The following RRAGB variants were observed in gnomAD, a reference collection of about 807,000 sequenced individuals.
The protein encoded by RRAGB is Ras related GTP binding B.
In RRAGB, 6 loss-of-function variants were observed where a neutral mutation model predicts 29.3. The observed-to-expected ratio is 0.21, with a 90% CI of 0.11 to 0.40. The LOEUF (loss-of-function observed/expected upper bound fraction) is 0.40, where lower values mean the gene tolerates loss of function less well. Among genes scored for constraint, RRAGB ranks in the 10% least tolerant of loss-of-function variants. The pLI is 1.00. For synonymous variants in RRAGB, 101 were observed against 92.5 expected (o/e 1.09, Z -0.53); for missense variants, 184 against 272.9 (o/e 0.67, Z 2.29).
At chrX:55,744,068 A>G (rs780843497) in intron 5 of RRAGB, among the ~76,000 whole-genome samples, 11 of 110,460 alleles carry the variant, frequency 1.0e-4, no homozygotes, top group South Asian at 3.9e-4. Context: ...AACTCCCCAT[A>G]AGGCCATAGT....
rs762790115 is a variant in RRAGB, at chrX:55,757,309, T to C, written c.921T>C (p.Val307=). The change falls in exon 9 of 10, where the codon GTT becomes GTC. Residue 307 remains valine, a synonymous_variant. Transcript: ENST00000374941. ...TTACATCCAACACTTATGTGATGGTTGTGATGTCTGATCCGTCCATTCGTA... is the reference window on the plus strand; with the variant it reads ...TTACATCCAACACTTATGTGATGGTCGTGATGTCTGATCCGTCCATTCGTA... ...DIFTSNTYVM[V]VMSDPSIPSA... 3 of 1,173,038 alleles carry C rather than the reference T, an allele frequency of 2.6e-6. No homozygotes were observed. The highest frequency in any genetic ancestry group is 3.5e-6 in the Non-Finnish European group (3 of 865,504).
intron 2 of RRAGB, among the ~76,000 whole-genome samples, chrX:55,721,427 G>C (rs1286768365): frequency 8.9e-6 from 1 of 112,093 alleles, no homozygotes; most frequent in South Asian, 3.7e-4. Context: ...CTGCAATTTA[G>C]CTGAAGGAAG....
intron 5 of RRAGB, among the ~76,000 whole-genome samples, chrX:55,737,615 G>A (rs1333648317): frequency 8.9e-6 from 1 of 112,483 alleles, no homozygotes; most frequent in Non-Finnish European, 1.9e-5. Flanking sequence ...TGGGACTCAA[G>A]GCCTGCAGTC....
At chrX:55,734,764 G>C (rs1677589988) in intron 5 of RRAGB, among the ~76,000 whole-genome samples, 1 of 111,896 alleles carries the variant, frequency 8.9e-6, no homozygotes, top group African/African-American at 3.2e-5. Context: ...TAGGCATTTA[G>C]TGCAATAAAC....
chrX:55,754,596 T>G (rs1378258143), intron 7 of RRAGB, among the ~76,000 whole-genome samples: 1 of 112,350 alleles, frequency 8.9e-6, no homozygotes, highest in African/African-American at 3.2e-5. Flanking sequence ...AGATTTATTG[T>G]GCAGATGAAA....
intron 5 of RRAGB, among the ~76,000 whole-genome samples, chrX:55,746,557 G>C (rs1569249485): frequency 8.9e-6 from 1 of 112,148 alleles, no homozygotes. Context: ...AAGAAGCTGG[G>C]GCTGCCCTTA....
At chrX:55,731,744 T>G in intron 5 of RRAGB, 158 bp downstream of exon 5, 1 of 406,213 alleles carries the variant, frequency 2.5e-6, no homozygotes, top group East Asian at 3.9e-5. Context: ...AACACTCTTT[T>G]AAACACATTT....
intron 5 of RRAGB, among the ~76,000 whole-genome samples, chrX:55,741,122 G>A (rs1349419501): frequency 7.5e-5 from 8 of 107,174 alleles, no homozygotes; most frequent in Admixed American, 7.1e-4. Flanking sequence ...TAGAATGGTC[G>A]ACGTTGATTT....
chrX:55,735,554 T>G (rs193202351), intron 5 of RRAGB, among the ~76,000 whole-genome samples: 1 of 112,246 alleles, frequency 8.9e-6, no homozygotes, highest in Non-Finnish European at 1.9e-5. Context: ...TGGTTTGTGT[T>G]TTTTTCCATT....
At position 55,739,980 on chromosome X, in the gene RRAGB, T is replaced by G. The variant is rs764237054; in HGVS notation, c.516+8394T>G. Among the ~76,000 whole-genome samples the G allele has an allele frequency of 2.7e-5, 3 of 112,333 alleles. No homozygotes were observed. In the East Asian group the frequency reaches 8.3e-4, roughly 31 times the overall value. ...ACTTAGAAGTTTTAAGGTAAAATGG[T>G]TAGTGTACTTCCCTAAATATCCATT... is the stretch of plus-strand genomic sequence containing the variant. On this transcript the variant is annotated intron_variant, in intron 5 of 9. Coordinates refer to ENST00000374941, the MANE Select transcript of RRAGB (RefSeq NM_006064.5).
intron 2 of RRAGB, among the ~76,000 whole-genome samples, chrX:55,720,521 G>C (rs1286211783): frequency 9.0e-6 from 1 of 111,205 alleles, no homozygotes. Context: ...GGGATTGAAG[G>C]TAGAACATAG....
intron 6 of RRAGB, 62 bp from the exon 7 acceptor site, chrX:55,753,330 A>G: frequency 9.3e-7 from 1 of 1,069,729 alleles, no homozygotes. Flanking sequence ...GTACTTACTA[A>G]TTTCAAAGGT....
chrX:55,751,935 TATCC>T (rs1167318363), intron 6 of RRAGB, among the ~76,000 whole-genome samples: 1 of 111,100 alleles, frequency 9.0e-6, no homozygotes, highest in Non-Finnish European at 1.9e-5. Flanking sequence ...CTGCTTCTGG[TATCC>T]ATTGACAAGT....
chrX:55,756,071 G>C, intron 8 of RRAGB, 139 bp downstream of exon 8: 1 of 436,028 alleles, frequency 2.3e-6, no homozygotes, highest in Non-Finnish European at 3.9e-6. Context: ...AAATTCTAAG[G>C]GGCCTCCAGT....
chrX:55,729,261 A>T lies in RRAGB; in HGVS notation c.227-33A>T, dbSNP rs192324793. 1,043 of 1,044,072 alleles carry T rather than the reference A, an allele frequency of 1.0e-3. 8 individuals carry two copies. In the African/African-American group the frequency reaches 0.017, roughly 17 times the overall value. The allele number at this position is 1,044,072 out of a possible 1,213,427, so 86.0% of individuals were successfully genotyped here. On this transcript the variant is annotated intron_variant, in intron 3 of 9. Transcript: ENST00000374941. ...TATTTTGAATTTCACTTCACCTGTT[A>T]TAATTACTAGATTTGTCATATTTGT...
chrX:55,727,632 A>C (rs1308967024), intron 3 of RRAGB, among the ~76,000 whole-genome samples: 1 of 111,776 alleles, frequency 8.9e-6, no homozygotes, highest in East Asian at 2.8e-4. Flanking sequence ...TATTTGAATG[A>C]AGATTTGTTC....
chrX:55,719,971 T>C (rs751575127), intron 2 of RRAGB, among the ~76,000 whole-genome samples: 1 of 112,381 alleles, frequency 8.9e-6, no homozygotes, highest in African/African-American at 3.2e-5. Flanking sequence ...ATCGTAAGAT[T>C]GTTGTGACGT....
intron 5 of RRAGB, among the ~76,000 whole-genome samples, chrX:55,733,595 C>A (rs979067132): frequency 9.8e-5 from 11 of 111,936 alleles, no homozygotes; most frequent in South Asian, 3.7e-4. Context: ...GTTTATATAG[C>A]AAATCACATT....
intron 6 of RRAGB, chrX:55,751,771 G>A (rs1180639564): frequency 9.0e-6 from 1 of 111,706 alleles, no homozygotes; most frequent in Non-Finnish European, 1.9e-5. Context: ...ACTAATTATG[G>A]AGGTTACAAC....
Sources: gnomAD v4.1 joint callset for allele counts (sites outside exome capture counted in the v4.1 genomes callset) on GRCh38, gnomAD v4.1.1 for gene constraint, MANE v1.5 for transcripts, NCBI Gene and HGNC (gene_info 2026-07-23, HGNC 2026-07-21) for gene names.